The following ADAM10 variants were observed in gnomAD, a reference collection of about 807,000 sequenced individuals.
ADAM10 encodes ADAM metallopeptidase domain 10.
ADAM10 carries 17 observed loss-of-function variants against 90.1 expected under a neutral mutation model. The ratio of observed to expected loss-of-function variants is 0.19; its 90% CI spans 0.13 to 0.28. ADAM10 has a LOEUF of 0.28. ADAM10 is among the 10% of genes least tolerant of loss of function. The pLI is 1.00. For synonymous variants in ADAM10, 310 were observed against 298.6 expected (o/e 1.04, Z -0.40); for missense variants, 610 against 914.3 (o/e 0.67, Z 4.29).
intron 10 of ADAM10, among the ~76,000 whole-genome samples, chr15:58,624,594 C>T (rs183836063): frequency 2.8e-4 from 43 of 152,282 alleles, no homozygotes; most frequent in African/African-American, 9.9e-4. Context: ...TGCAGTGGCA[C>T]GATCTTGGCT....
intron 1 of ADAM10, among the ~76,000 whole-genome samples, chr15:58,725,099 G>C (rs1898987539): frequency 6.6e-6 from 1 of 152,028 alleles, no homozygotes. Flanking sequence ...TGAGGTAGGA[G>C]GATTGCTTGA....
chr15:58,688,786 A>ATATCTCTCTC, intron 2 of ADAM10, among the ~76,000 whole-genome samples: 1 of 122,376 alleles, frequency 8.2e-6, no homozygotes, highest in African/African-American at 3.6e-5. Context: ...ATATATATAT[A>ATATCTCTCTC]TCTCTCTCTC....
At chr15:58,683,972 C>T (rs1405689670) in intron 2 of ADAM10, among the ~76,000 whole-genome samples, 1 of 151,640 alleles carries the variant, frequency 6.6e-6, no homozygotes. Flanking sequence ...ATGCTCAAGT[C>T]CCTTATACAA....
chr15:58,659,803 A>G (rs1162301624), intron 5 of ADAM10, among the ~76,000 whole-genome samples: 1 of 152,068 alleles, frequency 6.6e-6, no homozygotes, highest in Non-Finnish European at 1.5e-5. Flanking sequence ...ATCTCGGCTC[A>G]CTGCAAGCTC....
At chr15:58,749,010 A>C in intron 1 of ADAM10, 1 of 399,208 alleles carries the variant, frequency 2.5e-6, no homozygotes, top group Non-Finnish European at 4.4e-6. Context: ...GGCGGAGAGG[A>C]CTTCGGAATC....
intron 5 of ADAM10, among the ~76,000 whole-genome samples, chr15:58,647,266 T>C (rs1167750731): frequency 7.8e-5 from 9 of 115,544 alleles, no homozygotes; most frequent in African/African-American, 2.8e-4. Context: ...TTTTTTTTTT[T>C]TTTTTTTTTT....
intron 5 of ADAM10, among the ~76,000 whole-genome samples, chr15:58,661,926 C>A (rs987709923): frequency 6.6e-6 from 1 of 152,044 alleles, no homozygotes; most frequent in Non-Finnish European, 1.5e-5. Flanking sequence ...CCATTTGGTT[C>A]TTTATTAGAA....
At chr15:58,725,504 A>G (rs956533159) in intron 1 of ADAM10, among the ~76,000 whole-genome samples, 2 of 151,798 alleles carry the variant, frequency 1.3e-5, no homozygotes, top group African/African-American at 4.8e-5. Context: ...TATGATCACA[A>G]CAGCCTCAGC....
At chr15:58,685,563 T>TAC (rs1897573280) in intron 2 of ADAM10, among the ~76,000 whole-genome samples, 1 of 122,954 alleles carries the variant, frequency 8.1e-6, no homozygotes. Context: ...TATATATATA[T>TAC]ATATATATAT....
At position 58,611,929 on chromosome 15, in the gene ADAM10, C is replaced by T. The variant is rs1319604487; in HGVS notation, c.1574G>A (p.Arg525Gln). 2.5e-6 allele frequency: 4 copies of T among 1,613,994 alleles called. No individual in the cohort carries two copies. The highest frequency in any genetic ancestry group is 1.1e-5 in the South Asian group (1 of 91,088). ...CAFKSKSEKC[R>Q]DDSDCAREGI... ...TTCCCTTGCACAGTCTGAATCATCC[C>T]GACACTTCTCAGACTTTGACTTGAA... is the stretch of plus-strand genomic sequence containing the variant. Residue 525 changes from arginine to glutamine, a missense_variant, in exon 12 of 16, where the codon CGG becomes CAG. Transcript: ENST00000260408.
intron 2 of ADAM10, 111 bp from the exon 3 acceptor site, chr15:58,682,425 T>C (rs1897466942): frequency 7.5e-6 from 11 of 1,467,324 alleles, no homozygotes; most frequent in Non-Finnish European, 9.9e-6. Context: ...ATGAAATTTG[T>C]CTATTTGTGA....
Position 58,597,285 on chromosome 15 carries a change from T to C in ADAM10, c.*262A>G. The C allele has an allele frequency of 8.3e-7, 1 of 1,199,224 alleles. No homozygotes were observed. 74.3% of individuals were successfully genotyped at this position (1,199,224 alleles called of 1,614,324 possible). The stretch of plus-strand genomic sequence containing the variant: ...AGGGAACACGGGGCACATAATAATA[T>C]TCTAAGACTTTGTGCCATTAAGTTA... On this transcript the variant is annotated 3_prime_UTR_variant, in exon 16 of 16. Coordinates refer to ENST00000260408, the MANE Select transcript of ADAM10 (RefSeq NM_001110.4).
chr15:58,628,893 T>A (rs745727203), intron 9 of ADAM10, among the ~76,000 whole-genome samples: 1 of 152,228 alleles, frequency 6.6e-6, no homozygotes, highest in Non-Finnish European at 1.5e-5. Flanking sequence ...AGGCAACTGT[T>A]AAATTAAAAA....
intron 2 of ADAM10, among the ~76,000 whole-genome samples, chr15:58,717,298 A>C (rs1898691832): frequency 6.6e-6 from 1 of 152,244 alleles, no homozygotes; most frequent in Admixed American, 6.5e-5. Flanking sequence ...GTCAGAAACT[A>C]TGTACACAGA....
At chr15:58,645,125 A>G (rs1003818930) in intron 6 of ADAM10, among the ~76,000 whole-genome samples, 4 of 152,256 alleles carry the variant, frequency 2.6e-5, no homozygotes, top group Non-Finnish European at 5.9e-5. Flanking sequence ...AACATAAAAC[A>G]TAAAACAAGA....
At chr15:58,729,943 C>T (rs190497839) in intron 1 of ADAM10, among the ~76,000 whole-genome samples, 3 of 141,376 alleles carry the variant, frequency 2.1e-5, no homozygotes, top group Non-Finnish European at 4.5e-5. Context: ...GCGTAAGCAA[C>T]AGAACGAGGC....
At chr15:58,679,011 A>T in intron 4 of ADAM10, 113 bp downstream of exon 4, 1 of 1,057,384 alleles carries the variant, frequency 9.5e-7, no homozygotes, top group Non-Finnish European at 1.4e-6. Context: ...ACTATGTTCT[A>T]GCCTGATTAG....
intron 4 of ADAM10, among the ~76,000 whole-genome samples, chr15:58,668,460 C>T (rs1458768671): frequency 6.6e-6 from 1 of 152,076 alleles, no homozygotes; most frequent in South Asian, 2.1e-4. Flanking sequence ...CTTTAGTTCC[C>T]AAGCTGTGAC....
At chr15:58,722,022 C>T (rs1258996775) in intron 1 of ADAM10, among the ~76,000 whole-genome samples, 1 of 151,752 alleles carries the variant, frequency 6.6e-6, no homozygotes, top group Non-Finnish European at 1.5e-5. Context: ...GAGCAAAACT[C>T]TGTCTGAAAT....
Sources: gnomAD v4.1 joint callset for allele counts (sites outside exome capture counted in the v4.1 genomes callset) on GRCh38, gnomAD v4.1.1 for gene constraint, MANE v1.5 for transcripts, NCBI Gene and HGNC (gene_info 2026-07-23, HGNC 2026-07-21) for gene names.